Variants in CHODL observed in about 807,000 individuals in gnomAD.
The protein encoded by CHODL is transmembrane protein MT75.
In CHODL, 29 loss-of-function variants were observed where a neutral mutation model predicts 34.5. The observed-to-expected ratio is 0.84, with a 90% CI of 0.63 to 1.15. The LOEUF (loss-of-function observed/expected upper bound fraction) is 1.15, where lower values mean the gene tolerates loss of function less well. Among genes scored for constraint, CHODL ranks in the 50% most tolerant of loss-of-function variants. The pLI, the probability that CHODL is intolerant of heterozygous loss-of-function variation, is 0.00. For synonymous variants in CHODL, 125 were observed against 116.1 expected, an observed-to-expected ratio of 1.08 and a Z score of -0.49; for missense variants, 332 against 332.5, an observed-to-expected ratio of 1.00 and a Z score of 0.01.
chr21:18,245,122 C>CGGCAGGGA lies in CHODL; in HGVS notation c.-90_-83dup, dbSNP rs1378464772. 4.7e-6 allele frequency: 5 copies of CGGCAGGGA among 1,065,398 alleles called. No individual in the cohort carries two copies. Among genetic ancestry groups the CGGCAGGGA allele is most frequent in the East Asian group, 3.2e-5 (1 of 31,110 alleles). 66.0% of individuals were successfully genotyped at this position (1,065,398 alleles called of 1,614,324 possible). Reference sequence around the variant, plus strand: ...GGGCTCGGGCGGCGGGAGTAGGGCCCGGCAGGGAGGCAGGGAGGCTGCAGA... The same window carrying CGGCAGGGA: ...GGGCTCGGGCGGCGGGAGTAGGGCCCGGCAGGGAGGCAGGGAGGCAGGGAGGCTGCAGA... On this transcript the variant is annotated 5_prime_UTR_variant, in exon 1 of 6. Coordinates refer to ENST00000299295, the MANE Select transcript of CHODL (RefSeq NM_024944.3).
chr21:17,922,462 G>A (rs1195088806), intron 1 of CHODL, among the ~76,000 whole-genome samples: 1 of 152,134 alleles, frequency 6.6e-6, no homozygotes, highest in Non-Finnish European at 1.5e-5. Flanking sequence ...AAATAGATGA[G>A]GCTGAAGAAT....
At chr21:18,115,397 C>A (rs1440689471) in intron 2 of CHODL, among the ~76,000 whole-genome samples, 1 of 152,154 alleles carries the variant, frequency 6.6e-6, no homozygotes, top group Non-Finnish European at 1.5e-5. Flanking sequence ...GGACTTGCAT[C>A]CTCTTAGAAG....
intron 2 of CHODL, among the ~76,000 whole-genome samples, chr21:18,188,210 C>T (rs543285195): frequency 9.2e-5 from 14 of 152,112 alleles, no homozygotes; most frequent in African/African-American, 2.4e-4. Context: ...TTGTTTCTTG[C>T]CCTCATTTCA....
At chr21:18,202,672 C>G (rs758820413) in intron 2 of CHODL, among the ~76,000 whole-genome samples, 8 of 147,382 alleles carry the variant, frequency 5.4e-5, no homozygotes, top group Non-Finnish European at 1.1e-4. Flanking sequence ...GCAGCCCAAA[C>G]AGACTAAAAC....
chr21:18,188,512 T>C (rs1385127326), intron 2 of CHODL, among the ~76,000 whole-genome samples: 6 of 152,192 alleles, frequency 3.9e-5, no homozygotes, highest in Non-Finnish European at 7.3e-5. Context: ...AAAATAGAAA[T>C]CTTTATTGAT....
intron 1 of CHODL, among the ~76,000 whole-genome samples, chr21:17,987,456 T>A (rs1354822290): frequency 6.6e-6 from 1 of 152,188 alleles, no homozygotes; most frequent in African/African-American, 2.4e-5. Flanking sequence ...AGTGATGTGG[T>A]AAATAAAAAG....
rs199622783 is a variant in CHODL, at chr21:18,248,709, A to AAT, written c.79+3413_79+3414dup. 9.3e-3 allele frequency among the ~76,000 whole-genome samples: 1,095 copies of AAT among 118,068 alleles called. 19 individuals are homozygous for AAT. The highest frequency in any genetic ancestry group is 0.038 in the African/African-American group (1,014 of 26,406). The allele number at this position is 118,068 out of a possible 152,430, so 77.5% of individuals were successfully genotyped here. A position where few individuals can be genotyped will look rare whatever the true frequency, so the allele number is the denominator to read the frequency against. Reference sequence around the variant, plus strand: ...ATATTATATACATATATATGTATATAATATATACATATATATGTATATAAT... The same window carrying AAT: ...ATATTATATACATATATATGTATATAATATATATACATATATATGTATATAAT... On this transcript the variant is annotated intron_variant, in intron 1 of 5. Transcript: ENST00000299295.
intron 3 of CHODL, among the ~76,000 whole-genome samples, chr21:18,259,320 G>A (rs1440434164): frequency 6.6e-6 from 1 of 151,782 alleles, no homozygotes; most frequent in Non-Finnish European, 1.5e-5. Flanking sequence ...AAGAAAAATA[G>A]AAAATAGAGC....
chr21:18,099,215 T>TTTAA (rs2065180285), intron 2 of CHODL, among the ~76,000 whole-genome samples: 1 of 151,982 alleles, frequency 6.6e-6, no homozygotes, highest in Non-Finnish European at 1.5e-5. Context: ...TAATTGTACA[T>TTTAA]TTTAAAATAA....
chr21:18,121,846 C>T (rs1382426747), intron 2 of CHODL, among the ~76,000 whole-genome samples: 2 of 152,114 alleles, frequency 1.3e-5, no homozygotes, highest in African/African-American at 2.4e-5. Flanking sequence ...GCTATCTTTA[C>T]GTCATCAACT....
intron 2 of CHODL, among the ~76,000 whole-genome samples, chr21:18,130,504 T>C (rs1568901665): frequency 6.6e-6 from 1 of 152,172 alleles, no homozygotes; most frequent in Non-Finnish European, 1.5e-5. Flanking sequence ...CAAATAGTTT[T>C]AGAAAGTCAG....
chr21:18,079,404 A>G (rs2064907534), intron 2 of CHODL, among the ~76,000 whole-genome samples: 1 of 147,784 alleles, frequency 6.8e-6, no homozygotes, highest in South Asian at 2.1e-4. Context: ...TTATATATAT[A>G]TCACATATAT....
At position 18,068,779 on chromosome 21, in the gene CHODL, TC is replaced by T. The variant is rs2064761727; in HGVS notation, c.-45+40809del. On this transcript the variant is annotated intron_variant, in intron 2 of 6. Transcript: ENST00000400127. ...CTCTACTCAATATTATAAGGAAATTTCTTTTTTTTTTTTTTAACCCTAAACC... is the reference window on the plus strand; with the variant it reads ...CTCTACTCAATATTATAAGGAAATTTTTTTTTTTTTTTTTAACCCTAAACC... 2.0e-5 allele frequency among the ~76,000 whole-genome samples: 3 copies of T among 151,336 alleles called. No individual in the cohort carries two copies. In the South Asian group the frequency reaches 6.2e-4, roughly 31 times the overall value.
intron 1 of CHODL, among the ~76,000 whole-genome samples, chr21:17,954,107 A>G (rs1262735685): frequency 6.6e-6 from 1 of 152,222 alleles, no homozygotes; most frequent in Non-Finnish European, 1.5e-5. Flanking sequence ...TTAAGCAAAA[A>G]GAAAAAAATT....
intron 2 of CHODL, among the ~76,000 whole-genome samples, chr21:18,173,571 A>G (rs2073256949): frequency 6.6e-6 from 1 of 152,188 alleles, no homozygotes; most frequent in African/African-American, 2.4e-5. Context: ...AAGTTCTTGT[A>G]AAGTATGGTC....
At chr21:18,262,097 G>T (rs928404044) in intron 4 of CHODL, among the ~76,000 whole-genome samples, 7 of 152,024 alleles carry the variant, frequency 4.6e-5, no homozygotes, top group African/African-American at 1.7e-4. Flanking sequence ...GTTAGCTAAG[G>T]TTCTTAATGA....
chr21:18,165,394 T>C (rs2146649600), intron 2 of CHODL, among the ~76,000 whole-genome samples: 1 of 152,220 alleles, frequency 6.6e-6, no homozygotes, highest in East Asian at 1.9e-4. Context: ...CTTTAAAATG[T>C]TTTTCCTTTG....
chr21:18,152,405 G>T (rs1027992589), intron 2 of CHODL, among the ~76,000 whole-genome samples: 2 of 152,184 alleles, frequency 1.3e-5, no homozygotes, highest in Non-Finnish European at 2.9e-5. Flanking sequence ...GTACTGCTTA[G>T]CTGGGTCCTC....
intron 2 of CHODL, among the ~76,000 whole-genome samples, chr21:18,041,971 T>A (rs1189870887): frequency 1.3e-5 from 2 of 151,908 alleles, no homozygotes; most frequent in East Asian, 1.9e-4. Context: ...ATATTTTTTT[T>A]AATTTTTAGG....
Sources: allele counts gnomAD v4.1 joint callset (sites outside exome capture counted in the v4.1 genomes callset), GRCh38; gene constraint gnomAD v4.1.1; transcripts MANE v1.5; gene names NCBI Gene and HGNC (gene_info 2026-07-23, HGNC 2026-07-21).